ABCA13: variants seen among roughly 807,000 people sequenced by gnomAD.
The protein encoded by ABCA13 is ATP-binding cassette sub-family A member 13.
A neutral mutation model predicts 478.7 loss-of-function variants in ABCA13; 476 were observed. The ratio of observed to expected loss-of-function variants is 0.99; its 90% CI spans 0.92 to 1.07. The LOEUF (loss-of-function observed/expected upper bound fraction) is 1.07. Among genes scored for constraint, ABCA13 ranks in the 50% least tolerant of loss-of-function variants. The pLI, the probability that ABCA13 is intolerant of heterozygous loss-of-function variation, is 0.00. For missense variants in ABCA13, 6,060 were observed against 5,910.6 expected, an observed-to-expected ratio of 1.03 and a Z score of -0.83; for synonymous variants, 2,252 against 2,158.9, an observed-to-expected ratio of 1.04 and a Z score of -1.20.
chr7:48,515,026 A>C (rs1437490717), intron 51 of ABCA13, among the ~76,000 whole-genome samples: 1 of 152,280 alleles, frequency 6.6e-6, no homozygotes, highest in South Asian at 2.1e-4. Flanking sequence ...GCATTCCAAC[A>C]TCATGGATGT....
Position 48,295,714 on chromosome 7 carries a change from A to T in ABCA13, c.8970A>T (p.Ile2990=). Residue 2990 remains isoleucine (I), a synonymous_variant, in exon 21 of 62, where the codon ATA becomes ATT. Coordinates refer to ENST00000435803, the MANE Select transcript of ABCA13 (RefSeq NM_152701.5). The part of the protein sequence containing the change: ...AQDHFQEIEK[I]WSSPNQLNCE... ...ATGTTTTCTAGGAAATTGAAAAGAT[A>T]TGGTCCTCGCCGAATCAGCTAAATT... 4 of 1,614,054 alleles carry T rather than the reference A, an allele frequency of 2.5e-6. No individual in the cohort carries two copies. Among genetic ancestry groups the T allele is most frequent in the Non-Finnish European group, 3.4e-6 (4 of 1,179,892 alleles).
chr7:48,176,216 A>T (rs1365452020), intron 1 of ABCA13, among the ~76,000 whole-genome samples: 6 of 152,064 alleles, frequency 3.9e-5, no homozygotes, highest in African/African-American at 1.4e-4. Flanking sequence ...CCCTTACTCC[A>T]TTAATGAAAG....
At position 48,274,168 on chromosome 7, in the gene ABCA13, G is replaced by C; in HGVS notation, c.4502G>C (p.Arg1501Thr). Residue 1501 changes from arginine (R) to threonine (T), a missense_variant, in exon 17 of 62, where the codon AGG becomes ACG. Physicochemically the swap from Arg to Thr is moderately conservative, Grantham distance 71. Transcript: ENST00000435803. ...TTAAATGATTCCACAAAGCAAGTAA[G>C]GATGAGTATCAACAACTTAACAACA... is the stretch of plus-strand genomic sequence containing the variant. The part of the protein sequence containing the change: ...ALLNDSTKQV[R>T]MSINNLTTDF... 6.2e-7 allele frequency: 1 copy of C among 1,610,828 alleles called. No homozygotes were observed. Among genetic ancestry groups the C allele is most frequent in the Non-Finnish European group, 8.5e-7 (1 of 1,178,080 alleles).
intron 41 of ABCA13, among the ~76,000 whole-genome samples, chr7:48,419,114 A>G (rs774473981): frequency 6.6e-6 from 1 of 152,144 alleles, no homozygotes; most frequent in African/African-American, 2.4e-5. Context: ...CTCGCTATAC[A>G]CTACCAAAGG....
At chr7:48,526,998 C>T (rs2131022559) in intron 54 of ABCA13, among the ~76,000 whole-genome samples, 1 of 152,192 alleles carries the variant, frequency 6.6e-6, no homozygotes, top group African/African-American at 2.4e-5. Context: ...TATTAAAGTA[C>T]TTTCTAAAAA....
intron 29 of ABCA13, among the ~76,000 whole-genome samples, chr7:48,349,785 A>G (rs1808668879): frequency 6.6e-6 from 1 of 152,226 alleles, no homozygotes; most frequent in Non-Finnish European, 1.5e-5. Context: ...AAATGAGCAC[A>G]GGGAGCAGCT....
intron 48 of ABCA13, among the ~76,000 whole-genome samples, chr7:48,505,898 A>G (rs954742994): frequency 6.6e-6 from 1 of 152,256 alleles, no homozygotes; most frequent in Non-Finnish European, 1.5e-5. Context: ...AAATTGGTTC[A>G]GTGAAACAGT....
chr7:48,580,169 G>A, intron 55 of ABCA13, 55 bp from the exon 56 acceptor site: 3 of 1,503,056 alleles, frequency 2.0e-6, no homozygotes, highest in Non-Finnish European at 2.7e-6. Flanking sequence ...TTAAAAATGG[G>A]TTGGTGCCAG....
chr7:48,180,583 G>C (rs577371827), intron 1 of ABCA13, among the ~76,000 whole-genome samples: 1 of 151,208 alleles, frequency 6.6e-6, no homozygotes, highest in African/African-American at 2.5e-5. Context: ...ATCATGCCTG[G>C]CTAATTTTTT....
intron 52 of ABCA13, 149 bp from the exon 53 acceptor site, chr7:48,519,892 T>C: frequency 1.2e-6 from 1 of 807,562 alleles, no homozygotes; most frequent in Non-Finnish European, 1.8e-6. Flanking sequence ...ACCTTTGTTT[T>C]GATGGCTGTC....
rs1309094327 is a variant in ABCA13, at chr7:48,615,330, T to G, written c.14790T>G (p.Val4930=). The change falls in exon 59 of 62, where the codon GTT becomes GTG. Residue 4930 remains valine (V), a synonymous_variant. Coordinates refer to ENST00000435803, the MANE Select transcript of ABCA13 (RefSeq NM_152701.5). ...TTTGCACAAGACTGGCCATAATGGT[T>G]AACGGCAGCTTCAAATGTCTTGGTT... The part of the protein sequence containing the change: ...EALCTRLAIM[V]NGSFKCLGSP... 4 of 1,582,022 alleles carry G rather than the reference T, an allele frequency of 2.5e-6. No individual in the cohort carries two copies. In the African/African-American group the frequency reaches 5.4e-5, roughly 21 times the overall value.
At chr7:48,403,367 C>G (rs1435656657) in intron 38 of ABCA13, among the ~76,000 whole-genome samples, 1 of 152,186 alleles carries the variant, frequency 6.6e-6, no homozygotes, top group Non-Finnish European at 1.5e-5. Flanking sequence ...GCAGGGCCCT[C>G]CCTGGCAGAA....
At chr7:48,310,775 G>GAGTGGGA (rs886520605) in intron 24 of ABCA13, among the ~76,000 whole-genome samples, 3 of 152,278 alleles carry the variant, frequency 2.0e-5, no homozygotes, top group African/African-American at 7.2e-5. Flanking sequence ...AGAGAGTGGA[G>GAGTGGGA]AGTGGGAAGT....
intron 29 of ABCA13, among the ~76,000 whole-genome samples, chr7:48,346,024 A>G (rs1296324487): frequency 6.6e-6 from 1 of 152,224 alleles, no homozygotes; most frequent in African/African-American, 2.4e-5. Context: ...GTACAATAAC[A>G]TTCTATGCAG....
chr7:48,607,398 G>C (rs1475694371), intron 58 of ABCA13, among the ~76,000 whole-genome samples: 1 of 137,228 alleles, frequency 7.3e-6, no homozygotes, highest in Non-Finnish European at 1.6e-5. Context: ...GTCTCAATGA[G>C]ATGAACCGGG....
intron 42 of ABCA13, 95 bp from the exon 43 acceptor site, chr7:48,454,942 G>A (rs1825481910): frequency 7.1e-7 from 1 of 1,403,084 alleles, no homozygotes; most frequent in Non-Finnish European, 9.3e-7. Flanking sequence ...CCATGGCTGC[G>A]AGATGCCGCA....
chr7:48,310,758 C>T (rs1319673913), intron 24 of ABCA13, among the ~76,000 whole-genome samples: 1 of 152,102 alleles, frequency 6.6e-6, no homozygotes, highest in African/African-American at 2.4e-5. Flanking sequence ...ATGATGAAGT[C>T]TGCAGGAGAG....
Position 48,352,404 on chromosome 7 carries a change from C to T in ABCA13, c.10605C>T (p.Ile3535=), listed in dbSNP as rs530254670. The change falls in exon 31 of 62, where the codon ATC becomes ATT. Residue 3535 remains isoleucine, a synonymous_variant. Coordinates refer to ENST00000435803, the MANE Select transcript of ABCA13 (RefSeq NM_152701.5). The part of the protein sequence containing the change: ...APLQDMIERA[I]ILVQTGQEAL... ...TGCAAGACATGATCGAAAGAGCCAT[C>T]ATTTTGGTGCAGACTGGGCAGGAAG... 2 of 1,613,388 alleles carry T rather than the reference C, an allele frequency of 1.2e-6. No individual in the cohort carries two copies. The highest frequency in any genetic ancestry group is 4.5e-5 in the East Asian group (2 of 44,812).
chr7:48,576,612 T>C (rs1563458653), intron 55 of ABCA13, among the ~76,000 whole-genome samples: 1 of 152,050 alleles, frequency 6.6e-6, no homozygotes, highest in Non-Finnish European at 1.5e-5. Flanking sequence ...ATAGAACTCT[T>C]CCCCTCAACC....
Sources: allele counts gnomAD v4.1 joint callset (sites outside exome capture counted in the v4.1 genomes callset), GRCh38; gene constraint gnomAD v4.1.1; transcripts MANE v1.5; gene names NCBI Gene and HGNC (gene_info 2026-07-23, HGNC 2026-07-21).